Variants in PCCA observed in about 807,000 individuals in gnomAD.
PCCA encodes propionyl-CoA carboxylase subunit alpha.
In PCCA, 74 loss-of-function variants were observed where a neutral mutation model predicts 101.3. The observed-to-expected ratio is 0.73, with a 90% CI of 0.61 to 0.89. The LOEUF is 0.89. Ranked by LOEUF, PCCA falls within the 40% of genes least tolerant of loss-of-function variation. The pLI, the probability that PCCA is intolerant of heterozygous loss-of-function variation, is 0.00. For missense variants in PCCA, 891 were observed against 907.0 expected, an observed-to-expected ratio of 0.98 and a Z score of 0.23; for synonymous variants, 294 against 313.6, an observed-to-expected ratio of 0.94 and a Z score of 0.66.
At chr13:100,263,843 G>GTA (rs71777843) in intron 10 of PCCA, among the ~76,000 whole-genome samples, 63,577 of 144,678 alleles carry the variant, frequency 0.44, 13,694 homozygotes, top group Middle Eastern at 0.55. Context: ...TCTGTATATC[G>GTA]TATATATATA....
chr13:100,328,689 A>ATTTTTTTTTTTTTTT (rs757599001), intron 16 of PCCA, among the ~76,000 whole-genome samples: 1 of 98,202 alleles, frequency 1.0e-5, no homozygotes, highest in African/African-American at 3.4e-5. Context: ...GTTGAGGTTA[A>ATTTTTTTTTTTTTTT]TTTTTTTTTT....
chr13:100,109,382 C>G (rs918373007), intron 2 of PCCA, among the ~76,000 whole-genome samples: 4 of 152,278 alleles, frequency 2.6e-5, no homozygotes, highest in Non-Finnish European at 5.9e-5. Flanking sequence ...ATTCTGCTGC[C>G]TGAACAGAAA....
intron 7 of PCCA, among the ~76,000 whole-genome samples, chr13:100,227,663 G>A (rs548179612): frequency 9.2e-5 from 14 of 152,104 alleles, no homozygotes; most frequent in South Asian, 8.3e-4. Context: ...TTTCCCCATC[G>A]GTGCTCAAAA....
intron 6 of PCCA, among the ~76,000 whole-genome samples, chr13:100,174,549 G>A (rs1022059503): frequency 1.3e-5 from 2 of 149,854 alleles, no homozygotes; most frequent in Non-Finnish European, 3.0e-5. Flanking sequence ...CCAACATGGC[G>A]AAACCCCGTC....
chr13:100,492,131 ATCTC>A lies in PCCA; in HGVS notation c.1900-23288_1900-23285del, dbSNP rs201203842. Among the ~76,000 whole-genome samples, 659 of 150,528 alleles carry A rather than the reference ATCTC, an allele frequency of 4.4e-3. 31 individuals are homozygous for A. The East Asian group carries it at 0.099, about 23-fold the overall frequency. On this transcript the variant is annotated intron_variant, in intron 21 of 23. Coordinates refer to ENST00000376285, the MANE Select transcript of PCCA (RefSeq NM_000282.4). ...GCTTAGATTGCTTAGATGGATTGTC[ATCTC>A]TCTCTCTTTTTTTTTTTGGGACGGA...
intron 8 of PCCA, among the ~76,000 whole-genome samples, chr13:100,253,989 G>A (rs149864314): frequency 1.3e-5 from 2 of 152,068 alleles, no homozygotes; most frequent in Non-Finnish European, 2.9e-5. Context: ...CCTGAGACTG[G>A]GTAGTGTATA....
intron 6 of PCCA, among the ~76,000 whole-genome samples, chr13:100,158,949 T>A (rs2054151272): frequency 1.3e-5 from 2 of 151,254 alleles, no homozygotes. Flanking sequence ...ATCCAAATTA[T>A]ATGAGTAGGA....
intron 6 of PCCA, among the ~76,000 whole-genome samples, chr13:100,164,157 A>T (rs1316291878): frequency 6.6e-6 from 1 of 152,246 alleles, no homozygotes; most frequent in Non-Finnish European, 1.5e-5. Context: ...CAAATTTAAA[A>T]TATAGAGACA....
At chr13:100,361,245 C>A (rs1275486183) in intron 18 of PCCA, among the ~76,000 whole-genome samples, 1 of 152,012 alleles carries the variant, frequency 6.6e-6, no homozygotes, top group Non-Finnish European at 1.5e-5. Flanking sequence ...TGTCAAAACC[C>A]ACAGAATGTA....
At chr13:100,388,055 C>G (rs900527431) in intron 19 of PCCA, among the ~76,000 whole-genome samples, 1 of 152,204 alleles carries the variant, frequency 6.6e-6, no homozygotes, top group Non-Finnish European at 1.5e-5. Context: ...ATAAAACTTT[C>G]AGCGTTGATA....
At chr13:100,340,337 A>G in intron 18 of PCCA, 78 bp downstream of exon 18, 1 of 803,974 alleles carries the variant, frequency 1.2e-6, no homozygotes, top group Non-Finnish European at 2.2e-6. Flanking sequence ...ATACTAATAA[A>G]AGATGTGGCT....
At chr13:100,175,914 A>G (rs937339495) in intron 6 of PCCA, among the ~76,000 whole-genome samples, 4 of 152,202 alleles carry the variant, frequency 2.6e-5, no homozygotes, top group African/African-American at 7.2e-5. Flanking sequence ...AGACTTCGTT[A>G]AAGTGAAAAT....
intron 1 of PCCA, among the ~76,000 whole-genome samples, chr13:100,090,640 A>T (rs962949317): frequency 6.6e-6 from 1 of 152,238 alleles, no homozygotes; most frequent in African/African-American, 2.4e-5. Flanking sequence ...TAACAAGTGT[A>T]AAATGGTATT....
chr13:100,153,003 C>G (rs2053526877), intron 4 of PCCA, among the ~76,000 whole-genome samples: 2 of 152,090 alleles, frequency 1.3e-5, no homozygotes, highest in South Asian at 4.1e-4. Context: ...TGATAAACCA[C>G]CAATTGCCAT....
At chr13:100,507,473 G>A (rs184771876) in intron 21 of PCCA, among the ~76,000 whole-genome samples, 2 of 152,168 alleles carry the variant, frequency 1.3e-5, no homozygotes, top group African/African-American at 2.4e-5. Context: ...AGACCACCTC[G>A]GAATTCTTAG....
chr13:100,521,785 G>A (rs775311360), intron 22 of PCCA, among the ~76,000 whole-genome samples: 28 of 152,236 alleles, frequency 1.8e-4, no homozygotes, highest in Middle Eastern at 3.4e-3. Context: ...CAATGAAATG[G>A]TGGGATTTTC....
At chr13:100,519,650 G>A (rs930794365) in intron 22 of PCCA, among the ~76,000 whole-genome samples, 1 of 152,224 alleles carries the variant, frequency 6.6e-6, no homozygotes, top group Non-Finnish European at 1.5e-5. Flanking sequence ...AGAGTCTGAC[G>A]TCCCCTCCTC....
intron 6 of PCCA, among the ~76,000 whole-genome samples, chr13:100,206,163 C>G (rs1270190184): frequency 6.6e-6 from 1 of 152,066 alleles, no homozygotes; most frequent in Non-Finnish European, 1.5e-5. Flanking sequence ...GAAAGGGTTT[C>G]TTGTCTAGCA....
intron 1 of PCCA, among the ~76,000 whole-genome samples, chr13:100,091,456 A>G (rs981556114): frequency 6.6e-6 from 1 of 152,196 alleles, no homozygotes; most frequent in Non-Finnish European, 1.5e-5. Flanking sequence ...TTGTGCCGGT[A>G]AAGAATTCCT....
Sources: gnomAD v4.1 joint callset for allele counts (sites outside exome capture counted in the v4.1 genomes callset) on GRCh38, gnomAD v4.1.1 for gene constraint, MANE v1.5 for transcripts, NCBI Gene and HGNC (gene_info 2026-07-23, HGNC 2026-07-21) for gene names.